TES: variants seen among roughly 807,000 people sequenced by gnomAD.
TES encodes the protein testin LIM domain protein.
In TES, 41 loss-of-function variants were observed where a neutral mutation model predicts 48.2. The ratio of observed to expected loss-of-function variants is 0.85; its 90% CI spans 0.66 to 1.10. TES has a LOEUF of 1.10. TES is among the 50% of genes least tolerant of loss of function. TES has a pLI of 0.00. For missense variants in TES, 463 were observed against 515.1 expected (o/e 0.90, Z 0.98); for synonymous variants, 162 against 174.9 (o/e 0.93, Z 0.58).
At chr7:116,211,841 CAG>C (rs1799442565) in intron 1 of TES, among the ~76,000 whole-genome samples, 1 of 152,102 alleles carries the variant, frequency 6.6e-6, no homozygotes, top group African/African-American at 2.4e-5. Flanking sequence ...GTTAGGACTG[CAG>C]AGTTTTCGGT....
At chr7:116,256,593 G>A (rs1487218883) in intron 6 of TES, among the ~76,000 whole-genome samples, 1 of 152,120 alleles carries the variant, frequency 6.6e-6, no homozygotes, top group South Asian at 2.1e-4. Flanking sequence ...ATTTTGTGGT[G>A]TAAATGTATG....
intron 1 of TES, among the ~76,000 whole-genome samples, chr7:116,222,169 C>T (rs1386900978): frequency 6.6e-6 from 1 of 152,112 alleles, no homozygotes; most frequent in Non-Finnish European, 1.5e-5. Context: ...TCTTACATCT[C>T]TCCCTTCCTT....
At chr7:116,223,787 A>G (rs953366845) in intron 1 of TES, among the ~76,000 whole-genome samples, 6 of 152,210 alleles carry the variant, frequency 3.9e-5, no homozygotes, top group African/African-American at 1.4e-4. Flanking sequence ...GAGAAGTGGT[A>G]GATAAGTACC....
At chr7:116,253,769 T>A (rs913871843) in intron 6 of TES, among the ~76,000 whole-genome samples, 1 of 152,142 alleles carries the variant, frequency 6.6e-6, no homozygotes, top group African/African-American at 2.4e-5. Flanking sequence ...TTAACTTTTT[T>A]TCGGAACACC....
intron 1 of TES, among the ~76,000 whole-genome samples, chr7:116,227,997 GTCTT>G (rs1799645003): frequency 7.4e-6 from 1 of 135,862 alleles, no homozygotes; most frequent in Admixed American, 7.4e-5. Context: ...ATGTTCCATA[GTCTT>G]TTTTTTGTTT....
Position 116,252,489 on chromosome 7 carries a change from C to G in TES, c.1077+13C>G, listed in dbSNP as rs745838338. On this transcript the variant is annotated intron_variant, in intron 6 of 6. Coordinates refer to ENST00000358204, the MANE Select transcript of TES (RefSeq NM_015641.4). ...GAATCACGCTGTGGTGAGAAGTGTT[C>G]TAAGGATATGGTTGCCTCAGCCTGC... 2 of 1,614,140 alleles carry G rather than the reference C, an allele frequency of 1.2e-6. No individual in the cohort carries two copies. Among genetic ancestry groups the G allele is most frequent in the East Asian group, 2.2e-5 (1 of 44,858 alleles).
chr7:116,246,947 C>CTTTT (rs35662534), intron 2 of TES, among the ~76,000 whole-genome samples: 10 of 131,488 alleles, frequency 7.6e-5, no homozygotes, highest in African/African-American at 2.6e-4. Context: ...GACTAGGCCC[C>CTTTT]TTTTTTTTTT....
intron 2 of TES, among the ~76,000 whole-genome samples, chr7:116,242,365 T>C (rs1799859449): frequency 6.6e-6 from 1 of 152,206 alleles, no homozygotes; most frequent in South Asian, 2.1e-4. Context: ...TGCTTTCCAC[T>C]AGATGGGAGT....
At chr7:116,243,423 T>C (rs1377884969) in intron 2 of TES, among the ~76,000 whole-genome samples, 2 of 152,338 alleles carry the variant, frequency 1.3e-5, no homozygotes, top group East Asian at 1.9e-4. Context: ...AGACTCTTTC[T>C]TGAGTCCTTA....
chr7:116,222,529 C>A (rs1276423480), intron 1 of TES, among the ~76,000 whole-genome samples: 1 of 152,194 alleles, frequency 6.6e-6, no homozygotes, highest in African/African-American at 2.4e-5. Context: ...TCAATCTACT[C>A]ATCCCCTCAC....
In TES at chr7:116,251,891, G is replaced by T; in HGVS notation, c.834G>T (p.Met278Ile). The T allele has an allele frequency of 6.2e-7, 1 of 1,614,108 alleles. No individual in the cohort carries two copies. The highest frequency in any genetic ancestry group is 8.5e-7 in the Non-Finnish European group (1 of 1,180,026). ...CSTCHELLVD[M>I]IYFWKNEKLY... ...CCTGCCATGAACTCCTGGTTGACAT[G>T]ATTTATTTTTGGAAGAATGAGAAGC... Residue 278 changes from methionine (M) to isoleucine (I), a missense_variant, in exon 5 of 7, where the codon ATG becomes ATT. Transcript: ENST00000358204.
intron 1 of TES, chr7:116,218,117 C>T (rs1799515117): frequency 5.8e-6 from 2 of 347,296 alleles, no homozygotes; most frequent in African/African-American, 4.3e-5. Context: ...TTGCTGAGAT[C>T]TCATCTGCTG....
At position 116,252,435 on chromosome 7, in the gene TES, A is replaced by G; in HGVS notation, c.1036A>G (p.Lys346Glu). The G allele has an allele frequency of 6.2e-7, 1 of 1,614,238 alleles. No individual in the cohort carries two copies. Among genetic ancestry groups the G allele is most frequent in the Non-Finnish European group, 8.5e-7 (1 of 1,180,034 alleles). ...GGAGATATACGTGATGGTCAATGAC[A>G]AGCCCGTGTGCAAGCCCTGCTATGT... ...AGEIYVMVND[K>E]PVCKPCYVKN... Residue 346 changes from lysine (K) to glutamate (E), a missense_variant, in exon 6 of 7, where the codon AAG (lysine) becomes GAG (glutamate). Physicochemically the swap from Lys to Glu is moderately conservative, Grantham distance 56. Transcript: ENST00000358204.
rs569629490 is a variant in TES at position 116,252,253 on chromosome 7, A to G, written c.919-65A>G. The G allele has an allele frequency of 5.4e-6, 8 of 1,491,248 alleles. No individual in the cohort carries two copies. The Admixed American group carries it at 1.4e-4, about 27-fold the overall frequency. The allele number at this position is 1,491,248 out of a possible 1,614,324, so 92.4% of individuals were successfully genotyped here. On this transcript the variant is annotated intron_variant, in intron 5 of 6. Coordinates refer to ENST00000358204, the MANE Select transcript of TES (RefSeq NM_015641.4). Reference sequence around the variant, plus strand: ...TTCAAACTTTAGACCCTGAGAAAGTATGTTGTTACAGATATAAATCTCTTA... The same window carrying G: ...TTCAAACTTTAGACCCTGAGAAAGTGTGTTGTTACAGATATAAATCTCTTA...
chr7:116,249,385 G>A (rs767144054), intron 3 of TES, 113 bp downstream of exon 3: 55 of 1,262,570 alleles, frequency 4.4e-5, no homozygotes, highest in Middle Eastern at 3.8e-4. Context: ...TTATTCTTCC[G>A]GGGTTCTCAT....
intron 2 of TES, among the ~76,000 whole-genome samples, chr7:116,243,347 T>A (rs1799874430): frequency 6.6e-6 from 1 of 152,196 alleles, no homozygotes; most frequent in African/African-American, 2.4e-5. Flanking sequence ...CCAGCTTAAA[T>A]TTTTAACACC....
intron 6 of TES, among the ~76,000 whole-genome samples, chr7:116,254,869 A>G (rs1800074089): frequency 6.6e-6 from 1 of 151,950 alleles, no homozygotes; most frequent in Admixed American, 6.6e-5. Flanking sequence ...TAAAATGAGC[A>G]TACATATCCA....
chr7:116,248,656 TC>T, intron 2 of TES, among the ~76,000 whole-genome samples: 1 of 152,176 alleles, frequency 6.6e-6, no homozygotes, highest in Non-Finnish European at 1.5e-5. Flanking sequence ...GTTGAATTGT[TC>T]CTTATAGATT....
At chr7:116,236,906 G>A in intron 2 of TES, among the ~76,000 whole-genome samples, 1 of 152,130 alleles carries the variant, frequency 6.6e-6, no homozygotes, top group African/African-American at 2.4e-5. Flanking sequence ...TCATTCAGCT[G>A]GGGTTGATAA....
Sources: gnomAD v4.1 joint callset for allele counts (sites outside exome capture counted in the v4.1 genomes callset) on GRCh38, gnomAD v4.1.1 for gene constraint, MANE v1.5 for transcripts, NCBI Gene and HGNC (gene_info 2026-07-23, HGNC 2026-07-21) for gene names.